The following PRDM2 variants were observed in gnomAD, a reference collection of about 807,000 sequenced individuals.
PRDM2 encodes the protein PR domain zinc finger protein 2.
In PRDM2, 30 loss-of-function variants were observed where a neutral mutation model predicts 130.0. The ratio of observed to expected loss-of-function variants is 0.23; its 90% CI spans 0.17 to 0.31. The LOEUF (loss-of-function observed/expected upper bound fraction) is 0.31, where lower values mean the gene tolerates loss of function less well. Ranked by LOEUF, PRDM2 falls within the 10% of genes least tolerant of loss-of-function variation. PRDM2 has a pLI of 1.00. For missense variants in PRDM2, 2,011 were observed against 2,108.4 expected (o/e 0.95, Z 0.90); for synonymous variants, 871 against 782.4 (o/e 1.11, Z -1.89).
intron 9 of PRDM2, among the ~76,000 whole-genome samples, chr1:13,816,996 A>G (rs536197688): frequency 6.6e-6 from 1 of 152,342 alleles, no homozygotes; most frequent in African/African-American, 2.4e-5. Context: ...CTCAGTTCTT[A>G]ATTGCCTCAG....
At chr1:13,736,725 G>A (rs972124993) in intron 4 of PRDM2, among the ~76,000 whole-genome samples, 1 of 151,918 alleles carries the variant, frequency 6.6e-6, no homozygotes, top group African/African-American at 2.4e-5. Context: ...CAACCACCAA[G>A]AGTATATGTT....
In PRDM2 at chr1:13,731,032, C is replaced by A. The variant is rs1364406759; in HGVS notation, c.42C>A (p.Thr14=). The change falls in exon 3 of 10, where the codon ACC becomes ACA. Residue 14 remains threonine (T), a synonymous_variant. Coordinates refer to ENST00000311066, the MANE Select transcript of PRDM2 (RefSeq NM_001393986.1). ...NTTEPVAATE[T]LAEVPEHVLR... ...CTGAGCCTGTGGCGGCCACCGAGAC[C>A]CTGGCTGAGGTACCCGAACATGTGC... 1.9e-6 allele frequency: 3 copies of A among 1,612,422 alleles called. No individual in the cohort carries two copies. The highest frequency in any genetic ancestry group is 1.7e-4 in the Middle Eastern group (1 of 6,052).
At chr1:13,732,311 CTATT>C (rs1254344729) in intron 3 of PRDM2, among the ~76,000 whole-genome samples, 8 of 152,158 alleles carry the variant, frequency 5.3e-5, no homozygotes, top group African/African-American at 1.9e-4. Context: ...AACTTCAAAA[CTATT>C]TATTCATAAA....
At chr1:13,710,509 A>G (rs1297458621) in intron 1 of PRDM2, among the ~76,000 whole-genome samples, 1 of 152,250 alleles carries the variant, frequency 6.6e-6, no homozygotes, top group Non-Finnish European at 1.5e-5. Flanking sequence ...TTAAGTGCAT[A>G]TACTCATGTT....
intron 1 of PRDM2, among the ~76,000 whole-genome samples, chr1:13,708,799 G>A (rs549003219): frequency 6.6e-6 from 1 of 152,260 alleles, no homozygotes; most frequent in Admixed American, 6.5e-5. Context: ...AGAGGCGTGA[G>A]TGGTTTCAAG....
In PRDM2 at chr1:13,780,891, T is replaced by C. The variant is rs1644596588; in HGVS notation, c.3096T>C (p.Ser1032=). 6.2e-7 allele frequency: 1 copy of C among 1,609,692 alleles called. No individual in the cohort carries two copies. Among genetic ancestry groups the C allele is most frequent in the Non-Finnish European group, 8.5e-7 (1 of 1,178,736 alleles). Residue 1032 remains serine (S), a synonymous_variant, in exon 8 of 10, where the codon TCT becomes TCC. Transcript: ENST00000311066. ...CCCCAACAGTGTCCCCCTCTCCCTC[T>C]CCCATTCCTCCCGTGGAGCCCCTGA... is the stretch of plus-strand genomic sequence containing the variant. ...ILSPTVSPSP[S]PIPPVEPLMS... is the part of the protein sequence containing the mutation.
At chr1:13,818,750 G>A (rs563755234) in intron 9 of PRDM2, among the ~76,000 whole-genome samples, 2 of 152,172 alleles carry the variant, frequency 1.3e-5, no homozygotes, top group East Asian at 3.9e-4. Context: ...GGGGTTTGGG[G>A]AGGGGAGCAA....
At chr1:13,758,728 TC>T (rs1644024267) in intron 6 of PRDM2, among the ~76,000 whole-genome samples, 2 of 152,226 alleles carry the variant, frequency 1.3e-5, no homozygotes, top group Non-Finnish European at 2.9e-5. Flanking sequence ...TGCTTGCTAT[TC>T]CTGCTTCTGT....
chr1:13,779,861 C>T lies in PRDM2; in HGVS notation c.2066C>T (p.Ser689Leu). The T allele has an allele frequency of 1.9e-6, 3 of 1,613,512 alleles. No homozygotes were observed. In the South Asian group the frequency reaches 3.3e-5, roughly 18 times the overall value. Reference protein sequence around the residue: ...FHKEKSVYLSSKLKQLLQTQD... With the variant: ...FHKEKSVYLSLKLKQLLQTQD... ...AAAGAGAAAAGTGTTTATTTGTCAT[C>T]AAAGCTCAAACAACTTCTTCAAACC... The change falls in exon 8 of 10, where the codon TCA becomes TTA. Residue 689 changes from serine (S) to leucine (L), a missense_variant. This residue lies in a region of PRDM2 where 1,288 missense variants were observed against 1,237.7 expected (regional missense o/e 1.04). Transcript: ENST00000311066. This position sits in a 1 kb window ranked among gnomAD's most constrained non-coding sequence, Gnocchi z 4.9.
At chr1:13,805,781 G>C (rs1337229595) in intron 8 of PRDM2, among the ~76,000 whole-genome samples, 2 of 152,196 alleles carry the variant, frequency 1.3e-5, no homozygotes, top group African/African-American at 4.8e-5. Flanking sequence ...CCTGAAGACT[G>C]TGAGAAAAAG....
chr1:13,749,753 C>T (rs1336525600), intron 6 of PRDM2, among the ~76,000 whole-genome samples: 1 of 151,994 alleles, frequency 6.6e-6, no homozygotes, highest in Non-Finnish European at 1.5e-5. Flanking sequence ...CGCGCTCGGG[C>T]TGTTTCTTAA....
rs146627454 is a variant in PRDM2, at chr1:13,772,587, G to A, written c.512-491G>A. Among the ~76,000 whole-genome samples, 37 of 152,280 alleles carry A rather than the reference G, an allele frequency of 2.4e-4. No homozygotes were observed. The East Asian group carries it at 5.8e-3, about 24-fold the overall frequency. ...GTGAATGTGTATCTTTTGAAATTCCGCAGAATCTCTGCTTCTCTTGTTTTG... is the reference window on the plus strand; with the variant it reads ...GTGAATGTGTATCTTTTGAAATTCCACAGAATCTCTGCTTCTCTTGTTTTG... On this transcript the variant is annotated intron_variant, in intron 6 of 9. Coordinates refer to ENST00000311066, the MANE Select transcript of PRDM2 (RefSeq NM_001393986.1).
chr1:13,823,403 T>A lies in PRDM2; in HGVS notation c.*268T>A. 1 of 587,004 alleles carries A rather than the reference T, an allele frequency of 1.7e-6. No individual in the cohort carries two copies. Among genetic ancestry groups the A allele is most frequent in the East Asian group, 2.9e-5 (1 of 34,186 alleles). 36.4% of individuals were successfully genotyped at this position (587,004 alleles called of 1,614,324 possible). ...CCACGCTGTCCTTTGGGATGATACT[T>A]GGATGCAGCTCTTGGGACCGTGTTC... On this transcript the variant is annotated 3_prime_UTR_variant, in exon 10 of 10. Coordinates refer to ENST00000311066, the MANE Select transcript of PRDM2 (RefSeq NM_001393986.1).
Position 13,807,304 on chromosome 1 carries a change from C to T in PRDM2, c.5037-9123C>T, listed in dbSNP as rs540620593. Reference sequence around the variant, plus strand: ...AGCACCTGGCACAGAATAGACACACCGTTCACCTGACAAATAGTAGATGAC... The same window carrying T: ...AGCACCTGGCACAGAATAGACACACTGTTCACCTGACAAATAGTAGATGAC... On this transcript the variant is annotated intron_variant, in intron 8 of 9. Transcript: ENST00000311066. Among the ~76,000 whole-genome samples the T allele has an allele frequency of 2.0e-3, 305 of 152,344 alleles. 2 individuals carry two copies. The highest frequency in any genetic ancestry group is 7.1e-3 in the African/African-American group (296 of 41,568).
chr1:13,785,779 C>T (rs566888491), intron 8 of PRDM2, among the ~76,000 whole-genome samples: 1 of 148,278 alleles, frequency 6.7e-6, no homozygotes, highest in Non-Finnish European at 1.5e-5. Flanking sequence ...GGTGTATTCT[C>T]TACTCACCTC....
chr1:13,794,910 A>T (rs1468482290), intron 8 of PRDM2, among the ~76,000 whole-genome samples: 2 of 152,136 alleles, frequency 1.3e-5, no homozygotes, highest in Admixed American at 1.3e-4. Context: ...GGCACCAAGG[A>T]CCTTTGCTGT....
rs2100416023 is a variant in PRDM2, at chr1:13,715,533, C to T, written c.-65-8C>T. ...GTACATATTACAATTGTCTGTTTTT[C>T]TTTTTAGGGTTCATGTAATCAAAGA... On this transcript the variant is annotated splice_region_variant and splice_polypyrimidine_tract_variant and intron_variant, in intron 1 of 9. Transcript: ENST00000311066. The T allele has an allele frequency of 5.2e-6, 7 of 1,356,338 alleles. No individual in the cohort carries two copies. The highest frequency in any genetic ancestry group is 5.0e-6 in the Non-Finnish European group (5 of 999,092). The allele number at this position is 1,356,338 out of a possible 1,614,324, so 84.0% of individuals were successfully genotyped here. A position where few individuals can be genotyped will look rare whatever the true frequency, so the allele number is the denominator to read the frequency against.
chr1:13,820,736 C>G (rs1025384297), intron 9 of PRDM2, among the ~76,000 whole-genome samples: 2 of 152,040 alleles, frequency 1.3e-5, no homozygotes, highest in Non-Finnish European at 2.9e-5. Context: ...ACCTCAGGTC[C>G]AGCCCCCAGC....
intron 2 of PRDM2, chr1:13,717,373 G>C: frequency 3.1e-6 from 3 of 982,932 alleles, no homozygotes; most frequent in Non-Finnish European, 3.6e-6. Context: ...TCGGTTCTCT[G>C]CAGTCTAGGA....
Sources: allele counts gnomAD v4.1 joint callset (sites outside exome capture counted in the v4.1 genomes callset), GRCh38; gene constraint gnomAD v4.1.1; regional missense constraint gnomAD v4.1.1; non-coding constraint Gnocchi (gnomAD v3.1); transcripts MANE v1.5; gene names NCBI Gene and HGNC (gene_info 2026-07-23, HGNC 2026-07-21).